Variants in RECQL4 observed in about 807,000 individuals in gnomAD.
RECQL4 encodes the protein RecQ like helicase 4.
RECQL4 carries 158 observed loss-of-function variants against 128.6 expected under a neutral mutation model. The observed-to-expected ratio is 1.23, with a 90% CI of 1.08 to 1.40. RECQL4 has a LOEUF of 1.40. RECQL4 is among the 40% of genes most tolerant of loss of function. The pLI, the probability that RECQL4 is intolerant of heterozygous loss-of-function variation, is 0.00. For missense variants in RECQL4, 2,293 were observed against 1,649.8 expected (o/e 1.39, Z -6.75); for synonymous variants, 996 against 678.9 (o/e 1.47, Z -7.26).
rs762377220 is a variant in RECQL4, at chr8:144,514,921, G to T, written c.1620+15C>A. The T allele has an allele frequency of 6.2e-7, 1 of 1,610,174 alleles. No homozygotes were observed. Among genetic ancestry groups the T allele is most frequent in the Non-Finnish European group, 8.5e-7 (1 of 1,179,226 alleles). On this transcript the variant is annotated intron_variant, in intron 9 of 20. Coordinates refer to ENST00000617875, the MANE Select transcript of RECQL4 (RefSeq NM_004260.4). ...TCTTGGCTGTGTACGTGTGCCCAGG[G>T]CCCTGTGTGCACACCTGGTCATCCA...
intron 6 of RECQL4, 146 bp downstream of exon 6, chr8:144,515,618 G>T: frequency 7.0e-7 from 1 of 1,438,160 alleles, no homozygotes. Context: ...CGTCGTCCCT[G>T]CCACCCTCCT....
chr8:144,513,122 T>G lies in RECQL4; in HGVS notation c.2480A>C (p.Glu827Ala). ...GTCGGCGTGCACATGTCTGCGCAGCTCTCGCAGGTCTTCGCCCTGCAGGGC... is the reference window on the plus strand; with the variant it reads ...GTCGGCGTGCACATGTCTGCGCAGCGCTCGCAGGTCTTCGCCCTGCAGGGC... Reference protein sequence around the residue: ...FLQPQGEDLRELRRHVHADST... With the variant: ...FLQPQGEDLRALRRHVHADST... Residue 827 changes from glutamate (E) to alanine (A), a missense_variant, in exon 15 of 21, where the codon GAG becomes GCG. By Grantham distance (107) the Glu-to-Ala change is moderately radical. Transcript: ENST00000617875. 1.3e-6 allele frequency: 2 copies of G among 1,495,408 alleles called. No individual in the cohort carries two copies. The highest frequency in any genetic ancestry group is 1.8e-6 in the Non-Finnish European group (2 of 1,112,378). 92.6% of individuals were successfully genotyped at this position (1,495,408 alleles called of 1,614,324 possible). A position where few individuals can be genotyped will look rare whatever the true frequency, so the allele number is the denominator to read the frequency against.
chr8:144,512,242 C>T lies in RECQL4; in HGVS notation c.3138G>A (p.Glu1046=). 6.2e-7 allele frequency: 1 copy of T among 1,612,456 alleles called. No individual in the cohort carries two copies. Among genetic ancestry groups the T allele is most frequent in the Non-Finnish European group, 8.5e-7 (1 of 1,179,752 alleles). ...HLRSPGDLTA[E]EKDQICDFLY... Reference sequence around the variant, plus strand: ...GGAAGTCACATATCTGGTCCTTCTCCTCAGCGGTCAAGTCCCCCGGGCTGC... The same window carrying T: ...GGAAGTCACATATCTGGTCCTTCTCTTCAGCGGTCAAGTCCCCCGGGCTGC... Residue 1046 remains glutamate (E), a synonymous_variant, in exon 18 of 21, where the codon GAG becomes GAA. Coordinates refer to ENST00000617875, the MANE Select transcript of RECQL4 (RefSeq NM_004260.4).
chr8:144,513,571 C>T lies in RECQL4; in HGVS notation c.2200G>A (p.Gly734Ser), dbSNP rs1306483318. Residue 734 changes from glycine (G) to serine (S), a missense_variant and splice_region_variant, in exon 13 of 21, where the codon GGT (glycine) becomes AGT (serine). By Grantham distance (56) the Gly-to-Ser change is moderately conservative (BLOSUM62 0). Coordinates refer to ENST00000617875, the MANE Select transcript of RECQL4 (RefSeq NM_004260.4). ...GACACCAGCTCTGTCCATGCCGCAC[C>T]TCCAGACCCTGGGACCCAGGCTGCG... ...LHAAWVPGSG[G>S]RAPKTTAEAY... is the part of the protein sequence containing the mutation. The T allele has an allele frequency of 1.1e-5, 17 of 1,610,720 alleles. No homozygotes were observed. The highest frequency in any genetic ancestry group is 2.7e-5 in the African/African-American group (2 of 74,912).
rs1202372780 is a variant in RECQL4, at chr8:144,512,535, G to A, written c.2912C>T (p.Ala971Val). 3 of 1,612,456 alleles carry A rather than the reference G, an allele frequency of 1.9e-6. No individual in the cohort carries two copies. Among genetic ancestry groups the A allele is most frequent in the Non-Finnish European group, 2.5e-6 (3 of 1,179,834 alleles). ...HRCPPLAVCLAQQLPEDPGQG... is the reference protein window; with the variant it reads ...HRCPPLAVCLVQQLPEDPGQG... ...CCCTGGGTCCTCAGGCAGCTGCTGG[G>A]CCAAGCACACAGCCAAAGGGGGACA... The change falls in exon 17 of 21, where the codon GCC (alanine) becomes GTC (valine). Residue 971 changes from alanine to valine, a missense_variant. By Grantham distance (64) the Ala-to-Val change is moderately conservative (BLOSUM62 0). Coordinates refer to ENST00000617875, the MANE Select transcript of RECQL4 (RefSeq NM_004260.4).
chr8:144,511,911 T>TCTGGC lies in RECQL4; in HGVS notation c.3388_3392dup (p.Leu1132ProfsTer20), dbSNP rs1827283626. On this transcript the variant is annotated frameshift_variant and splice_region_variant, in exon 19 of 21. Coordinates refer to ENST00000617875, the MANE Select transcript of RECQL4 (RefSeq NM_004260.4). LOFTEE classifies it high-confidence loss of function. ...AGCTGCCTGGCCTTACTGCACTCAC[T>TCTGGC]CTGGCCTGCCCTGGCTCGGGGCCCT... The TCTGGC allele has an allele frequency of 1.9e-6, 3 of 1,610,670 alleles. No homozygotes were observed. The South Asian group carries it at 3.3e-5, about 18-fold the overall frequency.
rs539465528 is a variant in RECQL4, at chr8:144,511,560, G to C, written c.3503-5C>G. 1 of 1,611,888 alleles carries C rather than the reference G, an allele frequency of 6.2e-7. No homozygotes were observed. Among genetic ancestry groups the C allele is most frequent in the Non-Finnish European group, 8.5e-7 (1 of 1,179,388 alleles). ...GGGCCGGGTAGCAGGGGCTTCCTAC[G>C]GTGGAGCCAAGACACAGCCGTGAGC... On this transcript the variant is annotated splice_polypyrimidine_tract_variant and splice_region_variant and intron_variant, in intron 20 of 20. Coordinates refer to ENST00000617875, the MANE Select transcript of RECQL4 (RefSeq NM_004260.4).
Position 144,511,985 on chromosome 8 carries a change from A to G in RECQL4, c.3319T>C (p.Tyr1107His), listed in dbSNP as rs757342740. The change falls in exon 19 of 21, where the codon TAC (tyrosine) becomes CAC (histidine). Residue 1107 changes from tyrosine to histidine, a missense_variant. Coordinates refer to ENST00000617875, the MANE Select transcript of RECQL4 (RefSeq NM_004260.4). ...TCCTGCCCTTCCTCTTCCTCAAAGT[A>G]GCGGCCGAGCAGGTCCTTGAGCCTG... ...STRLKDLLGR[Y>H]FEEEEGQEPG... 4.3e-6 allele frequency: 7 copies of G among 1,611,038 alleles called. No homozygotes were observed. Among genetic ancestry groups the G allele is most frequent in the Admixed American group, 1.7e-5 (1 of 59,876 alleles).
Position 144,516,658 on chromosome 8 carries a change from T to C in RECQL4, c.461A>G (p.Lys154Arg), listed in dbSNP as rs1815075291. ...GAGCTGTGGAGGCTCATCACTGACT[T>C]TTTCTGCAAAGGAGGGGACAGGCCC... The part of the protein sequence containing the change: ...GTGPVPSFAE[K>R]VSDEPPQLPE... The change falls in exon 5 of 21, where the codon AAA (lysine) becomes AGA (arginine). Residue 154 changes from lysine to arginine, a missense_variant. Coordinates refer to ENST00000617875, the MANE Select transcript of RECQL4 (RefSeq NM_004260.4). 6.2e-7 allele frequency: 1 copy of C among 1,602,190 alleles called. No homozygotes were observed. The highest frequency in any genetic ancestry group is 1.3e-5 in the African/African-American group (1 of 74,324).
At chr8:144,515,655 C>A in intron 6 of RECQL4, 109 bp downstream of exon 6, 1 of 1,485,252 alleles carries the variant, frequency 6.7e-7, no homozygotes, top group Non-Finnish European at 9.1e-7. Flanking sequence ...AGGGCCTGGA[C>A]CAGGGGTACC....
At position 144,516,268 on chromosome 8, in the gene RECQL4, G is replaced by A. The variant is rs972715381; in HGVS notation, c.851C>T (p.Pro284Leu). 1.9e-6 allele frequency: 3 copies of A among 1,611,838 alleles called. No individual in the cohort carries two copies. The highest frequency in any genetic ancestry group is 2.5e-6 in the Non-Finnish European group (3 of 1,179,448). The change falls in exon 5 of 21, where the codon CCC becomes CTC. Residue 284 changes from proline (P) to leucine (L), a missense_variant. Coordinates refer to ENST00000617875, the MANE Select transcript of RECQL4 (RefSeq NM_004260.4). ...TACAGCCCCAGCCCCCTCCGATGGGGGTCCAGCTTGGCTGCTCTCCTGCTG... is the reference window on the plus strand; with the variant it reads ...TACAGCCCCAGCCCCCTCCGATGGGAGTCCAGCTTGGCTGCTCTCCTGCTG... ...QVQQESSQAGPPSEGAGAVAV... is the reference protein window; with the variant it reads ...QVQQESSQAGLPSEGAGAVAV...
In RECQL4 at chr8:144,514,312, C is replaced by G. The variant is rs539370260; in HGVS notation, c.1755G>C (p.Val585=). The change falls in exon 11 of 21, where the codon GTG becomes GTC. Residue 585 remains valine (V), a synonymous_variant. Coordinates refer to ENST00000617875, the MANE Select transcript of RECQL4 (RefSeq NM_004260.4). ...HVLMLTPEAL[V]GAGGLPPAAQ... ...CGGCTGGAGGGAGGCCTCCCGCCCC[C>G]ACCAGTGCCTCAGGTGTCAGCATCA... The G allele has an allele frequency of 1.1e-5, 18 of 1,609,724 alleles. No homozygotes were observed. Among genetic ancestry groups the G allele is most frequent in the Admixed American group, 1.0e-4 (6 of 59,842 alleles).
In RECQL4 at chr8:144,512,175, G is replaced by C. The variant is rs758648484; in HGVS notation, c.3205C>G (p.Arg1069Gly). 1.1e-5 allele frequency: 18 copies of C among 1,611,254 alleles called. No individual in the cohort carries two copies. Among genetic ancestry groups the C allele is most frequent in the African/African-American group, 2.7e-5 (2 of 74,924 alleles). Residue 1069 changes from arginine (R) to glycine (G), a missense_variant, in exon 18 of 21, where the codon CGT (arginine) becomes GGT (glycine). Coordinates refer to ENST00000617875, the MANE Select transcript of RECQL4 (RefSeq NM_004260.4). ...VQARERQALARLRRTFQAFHS... is the reference protein window; with the variant it reads ...VQARERQALAGLRRTFQAFHS... ...AAGGCCTGGAAGGTTCTGCGCAGAC[G>C]GGCCAGGGCCTGGCGCTCCCGGGCC... is the stretch of plus-strand genomic sequence containing the variant.
In RECQL4 at chr8:144,514,304, C is replaced by T. The variant is rs1259051495; in HGVS notation, c.1763G>A (p.Gly588Glu). Residue 588 changes from glycine (G) to glutamate (E), a missense_variant, in exon 11 of 21, where the codon GGA (glycine) becomes GAA (glutamate). Transcript: ENST00000617875. ...MLTPEALVGAGGLPPAAQLPP... is the reference protein window; with the variant it reads ...MLTPEALVGAEGLPPAAQLPP... The stretch of plus-strand genomic sequence containing the variant: ...CAGCTGTGCGGCTGGAGGGAGGCCT[C>T]CCGCCCCCACCAGTGCCTCAGGTGT... 6.2e-7 allele frequency: 1 copy of T among 1,609,952 alleles called. No individual in the cohort carries two copies. The highest frequency in any genetic ancestry group is 8.5e-7 in the Non-Finnish European group (1 of 1,178,782).
intron 3 of RECQL4, 36 bp from the exon 4 acceptor site, chr8:144,517,226 C>T (rs2130737222): frequency 6.4e-7 from 1 of 1,563,062 alleles, no homozygotes. Flanking sequence ...CCAGAAAAGG[C>T]TGTTGTGGCG....
Position 144,517,140 on chromosome 8 carries a change from C to G in RECQL4, c.264G>C (p.Lys88Asn), listed in dbSNP as rs750999910. Residue 88 changes from lysine (K) to asparagine (N), a missense_variant, in exon 4 of 21, where the codon AAG (lysine) becomes AAC (asparagine). By Grantham distance (94) the Lys-to-Asn change is moderately conservative (BLOSUM62 0). Transcript: ENST00000617875. Reference sequence around the variant, plus strand: ...TCCGCCCTGGCGTAGACTGTGGACTCTTGGTCGCAGCCCGATTCAGATGGG... The same window carrying G: ...TCCGCCCTGGCGTAGACTGTGGACTGTTGGTCGCAGCCCGATTCAGATGGG... ...WGPHLNRAATKSPQSTPGRSR... is the reference protein window; with the variant it reads ...WGPHLNRAATNSPQSTPGRSR... The G allele has an allele frequency of 2.5e-6, 4 of 1,611,622 alleles. No individual in the cohort carries two copies. Among genetic ancestry groups the G allele is most frequent in the Admixed American group, 1.7e-5 (1 of 59,900 alleles).
Position 144,512,745 on chromosome 8 carries a change from C to A in RECQL4, c.2782G>T (p.Glu928Ter). 6.2e-7 allele frequency: 1 copy of A among 1,612,132 alleles called. No individual in the cohort carries two copies. Among genetic ancestry groups the A allele is most frequent in the Non-Finnish European group, 8.5e-7 (1 of 1,179,808 alleles). ...TCCAGCCAGTGGTGTGGGTGCAGCT[C>A]CAGGTAGCACAGCAAAGTCTCGATG... ...EAIETLLCYL[E>*]LHPHHWLELL... is the part of the protein sequence containing the mutation. The change falls in exon 16 of 21, where the codon GAG becomes TAG. Residue 928 changes from glutamate to a stop codon, truncating the protein, a stop_gained. Transcript: ENST00000617875. LOFTEE classifies it high-confidence loss of function.
In RECQL4 at chr8:144,511,991, C is replaced by G. The variant is rs34915097; in HGVS notation, c.3313G>C (p.Gly1105Arg). Residue 1105 changes from glycine (G) to arginine (R), a missense_variant, in exon 19 of 21, where the codon GGC (glycine) becomes CGC (arginine). Coordinates refer to ENST00000617875, the MANE Select transcript of RECQL4 (RefSeq NM_004260.4). ...CCTTCCTCTTCCTCAAAGTAGCGGCCGAGCAGGTCCTTGAGCCTGGTGCTG... is the reference window on the plus strand; with the variant it reads ...CCTTCCTCTTCCTCAAAGTAGCGGCGGAGCAGGTCCTTGAGCCTGGTGCTG... ...ERSTRLKDLLGRYFEEEEGQE... is the reference protein window; with the variant it reads ...ERSTRLKDLLRRYFEEEEGQE... 6.1e-5 allele frequency: 98 copies of G among 1,610,458 alleles called. 1 individual carries two copies. In the East Asian group the frequency reaches 2.2e-3, roughly 36 times the overall value.
intron 19 of RECQL4, 26 bp downstream of exon 19, chr8:144,511,884 TG>T: frequency 1.9e-6 from 3 of 1,608,758 alleles, no homozygotes; most frequent in Non-Finnish European, 2.5e-6. Context: ...GCAACCCCGA[TG>T]AGCTGCCTGG....
Sources: allele counts gnomAD v4.1 joint callset, GRCh38; gene constraint gnomAD v4.1.1; transcripts MANE v1.5; gene names NCBI Gene and HGNC (gene_info 2026-07-23, HGNC 2026-07-21).